EPHA6: variants seen among roughly 807,000 people sequenced by gnomAD.
EPHA6 encodes ephrin type-A receptor 6.
Under a neutral mutation model 112.0 loss-of-function variants are expected in EPHA6, and 50 were observed. That is an observed-to-expected ratio of 0.45 (90% CI 0.36 to 0.56). EPHA6 has a LOEUF of 0.56. EPHA6 is among the 20% of genes least tolerant of loss of function. The pLI, the probability that EPHA6 is intolerant of heterozygous loss-of-function variation, is 0.00. For missense variants in EPHA6, 1,280 were observed against 1,417.4 expected, an observed-to-expected ratio of 0.90 and a Z score of 1.56; for synonymous variants, 529 against 490.7, an observed-to-expected ratio of 1.08 and a Z score of -1.03.
chr3:97,355,853 G>A (rs1281181252), intron 5 of EPHA6, among the ~76,000 whole-genome samples: 1 of 151,810 alleles, frequency 6.6e-6, no homozygotes, highest in Admixed American at 6.6e-5. Context: ...CCATGCAAAT[G>A]GAAACACAAA....
chr3:97,613,781 A>C (rs570440875), intron 13 of EPHA6, among the ~76,000 whole-genome samples: 3 of 152,348 alleles, frequency 2.0e-5, no homozygotes, highest in Admixed American at 6.5e-5. Context: ...AACTTCACCA[A>C]TGTGCAGAAT....
At chr3:96,977,229 A>G (rs2107802829) in intron 2 of EPHA6, among the ~76,000 whole-genome samples, 1 of 152,278 alleles carries the variant, frequency 6.6e-6, no homozygotes, top group African/African-American at 2.4e-5. Flanking sequence ...AAAGAATGGA[A>G]CTGCAGGCTA....
At chr3:97,533,312 T>C (rs935601940) in intron 11 of EPHA6, among the ~76,000 whole-genome samples, 1 of 152,086 alleles carries the variant, frequency 6.6e-6, no homozygotes, top group Non-Finnish European at 1.5e-5. Flanking sequence ...AAAAATAACA[T>C]TTATTTTAAA....
intron 5 of EPHA6, among the ~76,000 whole-genome samples, chr3:97,328,879 A>G (rs962296529): frequency 2.6e-5 from 4 of 152,040 alleles, no homozygotes; most frequent in Non-Finnish European, 4.4e-5. Flanking sequence ...GGTTTGTTAC[A>G]TATGTATGCA....
At chr3:97,635,947 A>G (rs2093941061) in intron 13 of EPHA6, among the ~76,000 whole-genome samples, 1 of 152,098 alleles carries the variant, frequency 6.6e-6, no homozygotes, top group Non-Finnish European at 1.5e-5. Context: ...GTGATTTTTC[A>G]GAAAAGTGAG....
chr3:97,457,214 T>C (rs2090719571), intron 7 of EPHA6, among the ~76,000 whole-genome samples: 2 of 152,132 alleles, frequency 1.3e-5, no homozygotes, highest in African/African-American at 2.4e-5. Context: ...CAAGTACCGA[T>C]AGAATGATGT....
rs115072968 is a variant in EPHA6 at position 97,037,506 on chromosome 3, G to A, written c.1114+49513G>A. On this transcript the variant is annotated intron_variant, in intron 3 of 17. Transcript: ENST00000389672. ...AGAATACTGATGTGTCAGCAGTATA[G>A]TGAGTAAAGGTGATTGAGGGAAGAG... 5.6e-3 allele frequency among the ~76,000 whole-genome samples: 849 copies of A among 152,158 alleles called. 7 individuals are homozygous for A. The highest frequency in any genetic ancestry group is 0.02 in the African/African-American group (821 of 41,548).
At chr3:96,958,961 C>T (rs542205851) in intron 2 of EPHA6, among the ~76,000 whole-genome samples, 3 of 152,124 alleles carry the variant, frequency 2.0e-5, no homozygotes, top group South Asian at 2.1e-4. Context: ...TGAGTAATGC[C>T]GCTGTGAACA....
intron 3 of EPHA6, among the ~76,000 whole-genome samples, chr3:97,216,274 G>C (rs2078032053): frequency 6.6e-6 from 1 of 152,078 alleles, no homozygotes; most frequent in Admixed American, 6.6e-5. Context: ...TGTGGTCCTA[G>C]ACTTTTAAAC....
intron 3 of EPHA6, among the ~76,000 whole-genome samples, chr3:97,011,670 T>G (rs1410052598): frequency 6.6e-6 from 1 of 152,236 alleles, no homozygotes; most frequent in African/African-American, 2.4e-5. Context: ...ATTTTAGATT[T>G]AAGGGATATG....
chr3:97,561,362 T>C (rs182277712), intron 11 of EPHA6, among the ~76,000 whole-genome samples: 57 of 152,142 alleles, frequency 3.7e-4, no homozygotes, highest in African/African-American at 1.3e-3. Flanking sequence ...AAAATAAAAG[T>C]GCTACTCCAT....
intron 11 of EPHA6, among the ~76,000 whole-genome samples, chr3:97,562,479 G>T (rs190349648): frequency 2.6e-5 from 4 of 152,162 alleles, no homozygotes; most frequent in Non-Finnish European, 5.9e-5. Context: ...TAGAAGTGGA[G>T]CCTGAAGATG....
At chr3:97,653,446 C>G (rs1418307775) in intron 14 of EPHA6, among the ~76,000 whole-genome samples, 2 of 151,746 alleles carry the variant, frequency 1.3e-5, no homozygotes, top group Non-Finnish European at 2.9e-5. Flanking sequence ...AATAAAAACG[C>G]AATAAGATAT....
At chr3:97,091,867 AG>A (rs1021396675) in intron 3 of EPHA6, among the ~76,000 whole-genome samples, 2 of 152,058 alleles carry the variant, frequency 1.3e-5, no homozygotes, top group African/African-American at 4.8e-5. Flanking sequence ...CCTTTGAAAA[AG>A]AGAAATACTC....
At chr3:97,201,855 G>A (rs2077585988) in intron 3 of EPHA6, among the ~76,000 whole-genome samples, 2 of 151,988 alleles carry the variant, frequency 1.3e-5, no homozygotes, top group African/African-American at 2.4e-5. Context: ...CAGTGAAGAC[G>A]TAAATTCCTC....
chr3:97,673,712 T>A (rs1260480376), intron 14 of EPHA6, among the ~76,000 whole-genome samples: 1 of 152,172 alleles, frequency 6.6e-6, no homozygotes, highest in Non-Finnish European at 1.5e-5. Flanking sequence ...ACCAAGTCCA[T>A]CTTTGTCAGA....
intron 3 of EPHA6, among the ~76,000 whole-genome samples, chr3:97,144,708 C>G (rs1160249680): frequency 6.6e-6 from 1 of 150,670 alleles, no homozygotes; most frequent in African/African-American, 2.5e-5. Context: ...TCTTAGTGTG[C>G]TTAATTTTCT....
chr3:97,197,175 G>A (rs948592718), intron 3 of EPHA6, among the ~76,000 whole-genome samples: 34 of 151,970 alleles, frequency 2.2e-4, no homozygotes, highest in Non-Finnish European at 3.8e-4. Flanking sequence ...CTGTGACTGA[G>A]CTGCTACCCA....
chr3:97,245,072 G>A (rs1466551963), intron 5 of EPHA6, among the ~76,000 whole-genome samples: 1 of 152,004 alleles, frequency 6.6e-6, no homozygotes, highest in Non-Finnish European at 1.5e-5. Flanking sequence ...AGAAAGTATT[G>A]TAAATGAACA....
Sources: allele counts gnomAD v4.1 joint callset (sites outside exome capture counted in the v4.1 genomes callset), GRCh38; gene constraint gnomAD v4.1.1; transcripts MANE v1.5; gene names NCBI Gene and HGNC (gene_info 2026-07-23, HGNC 2026-07-21).